CPAMD8: variants seen among roughly 807,000 people sequenced by gnomAD.
The protein encoded by CPAMD8 is C3 and PZP like alpha-2-macroglobulin domain containing 8.
CPAMD8 carries 146 observed loss-of-function variants against 224.7 expected under a neutral mutation model. The observed-to-expected ratio is 0.65, with a 90% CI of 0.57 to 0.75. CPAMD8 has a LOEUF of 0.75. Among genes scored for constraint, CPAMD8 ranks in the 30% least tolerant of loss-of-function variants. The pLI, the probability that CPAMD8 is intolerant of heterozygous loss-of-function variation, is 0.00. For missense variants in CPAMD8, 2,301 were observed against 2,537.5 expected, an observed-to-expected ratio of 0.91 and a Z score of 2.00; for synonymous variants, 966 against 1,044.6, an observed-to-expected ratio of 0.92 and a Z score of 1.45.
intron 18 of CPAMD8, among the ~76,000 whole-genome samples, chr19:16,963,404 T>C (rs1599793628): frequency 1.3e-5 from 2 of 152,178 alleles, no homozygotes; most frequent in Admixed American, 6.5e-5. Flanking sequence ...TAGTCTCTGA[T>C]AAAACAGACT....
At chr19:16,954,682 T>C (rs962966064) in intron 19 of CPAMD8, among the ~76,000 whole-genome samples, 1 of 152,182 alleles carries the variant, frequency 6.6e-6, no homozygotes, top group Non-Finnish European at 1.5e-5. Flanking sequence ...TAGGATATTA[T>C]TCAACCTTAA....
chr19:16,990,246 C>G (rs1420321749), intron 12 of CPAMD8, among the ~76,000 whole-genome samples: 1 of 149,660 alleles, frequency 6.7e-6, no homozygotes, highest in Non-Finnish European at 1.5e-5. Context: ...GAGCAAGACT[C>G]TGACTCAAAA....
chr19:16,993,727 C>T (rs1265853791), intron 11 of CPAMD8, 141 bp from the exon 12 acceptor site: 4 of 767,762 alleles, frequency 5.2e-6, no homozygotes, highest in Non-Finnish European at 6.2e-6. Context: ...ATTCACAGGG[C>T]ATCGCAACGA....
intron 1 of CPAMD8, among the ~76,000 whole-genome samples, chr19:17,024,438 A>C (rs1433532369): frequency 2.0e-5 from 3 of 152,214 alleles, no homozygotes; most frequent in African/African-American, 7.2e-5. Context: ...CAGCTCCAGC[A>C]CTGGAATGTG....
At position 16,968,355 on chromosome 19, in the gene CPAMD8, C is replaced by T. The variant is rs552929414; in HGVS notation, c.2213+2536G>A. Among the ~76,000 whole-genome samples the T allele has an allele frequency of 2.0e-5, 3 of 152,248 alleles. No homozygotes were observed. In the South Asian group the frequency reaches 6.2e-4, roughly 32 times the overall value. On this transcript the variant is annotated intron_variant, in intron 18 of 41. Coordinates refer to ENST00000443236, the MANE Select transcript of CPAMD8 (RefSeq NM_015692.5). Reference sequence around the variant, plus strand: ...CTGGGGGACTGAAGCATCCAGGAGCCACTGGGGAGCAGACGGAGGGGCACA... The same window carrying T: ...CTGGGGGACTGAAGCATCCAGGAGCTACTGGGGAGCAGACGGAGGGGCACA...
intron 13 of CPAMD8, among the ~76,000 whole-genome samples, chr19:16,982,957 A>G (rs2055568149): frequency 6.6e-6 from 1 of 152,160 alleles, no homozygotes; most frequent in Admixed American, 6.5e-5. Context: ...CATGGTAGAG[A>G]ATGAGTCTCG....
chr19:16,905,236 A>G (rs1376420612), intron 30 of CPAMD8, among the ~76,000 whole-genome samples: 2 of 151,802 alleles, frequency 1.3e-5, no homozygotes, highest in African/African-American at 4.8e-5. Flanking sequence ...TGACAGAGTG[A>G]GACTGTCTCA....
intron 23 of CPAMD8, among the ~76,000 whole-genome samples, chr19:16,932,628 T>A (rs2053578175): frequency 6.6e-6 from 1 of 151,896 alleles, no homozygotes; most frequent in Non-Finnish European, 1.5e-5. Context: ...TGAAGACAGA[T>A]CTTTTAAAAT....
intron 19 of CPAMD8, among the ~76,000 whole-genome samples, chr19:16,953,918 A>T (rs2054379009): frequency 6.6e-6 from 1 of 152,156 alleles, no homozygotes; most frequent in Non-Finnish European, 1.5e-5. Flanking sequence ...AATAAAAACC[A>T]CAATGAGATG....
rs781695821 is a variant in CPAMD8, at chr19:17,020,348, C to T, written c.250G>A (p.Gly84Arg). Residue 84 changes from glycine (G) to arginine (R), a missense_variant, in exon 3 of 42, where the codon GGG becomes AGG. Coordinates refer to ENST00000443236, the MANE Select transcript of CPAMD8 (RefSeq NM_015692.5). ...CGGCTTACCTTGAGTTTGATTGTCC[C>T]TTTATCTAAAAATGAAAATAAAATG... ...VQSQGAILDK[G>R]TIKLKVPTGL... 1 of 1,584,874 alleles carries T rather than the reference C, an allele frequency of 6.3e-7. No homozygotes were observed. Among genetic ancestry groups the T allele is most frequent in the Non-Finnish European group, 8.7e-7 (1 of 1,154,100 alleles).
intron 12 of CPAMD8, among the ~76,000 whole-genome samples, chr19:16,992,456 GT>G (rs2055987564): frequency 6.6e-6 from 1 of 151,822 alleles, no homozygotes; most frequent in Non-Finnish European, 1.5e-5. Context: ...TTATTTGCTT[GT>G]TTGTTTGTTT....
chr19:16,996,992 G>A (rs538778484), intron 11 of CPAMD8, 119 bp downstream of exon 11: 86 of 692,012 alleles, frequency 1.2e-4, no homozygotes, highest in African/African-American at 9.0e-4. Context: ...TCCACTCTCC[G>A]CAAAGGTTAT....
chr19:16,906,997 C>T lies in CPAMD8; in HGVS notation c.3982G>A (p.Ala1328Thr). ...CGGAGCTTGCGCAGTGCCTCAGGGG[C>T]TGCCGGGCTGCGGAGCAGGGTCAGC... ...YALTLLRSPA[A>T]PEALRKLRSL... Residue 1328 changes from alanine to threonine, a missense_variant, in exon 30 of 42, where the codon GCC (alanine) becomes ACC (threonine). Physicochemically the swap from Ala to Thr is moderately conservative, Grantham distance 58. Around this residue, in one of 4 missense-constraint regions of CPAMD8, gnomAD observed 1,709 missense variants for 1,753.2 expected, o/e 0.97. Coordinates refer to ENST00000443236, the MANE Select transcript of CPAMD8 (RefSeq NM_015692.5). 3.8e-6 allele frequency: 6 copies of T among 1,595,526 alleles called. No homozygotes were observed. Among genetic ancestry groups the T allele is most frequent in the Non-Finnish European group, 5.1e-6 (6 of 1,172,932 alleles).
Position 16,924,232 on chromosome 19 carries a change from T to C in CPAMD8, c.3547+964A>G, listed in dbSNP as rs1048214692. Among the ~76,000 whole-genome samples the C allele has an allele frequency of 4.7e-5, 7 of 149,008 alleles. No homozygotes were observed. In the East Asian group the frequency reaches 1.4e-3, roughly 31 times the overall value. ...GGTTTGTGGCATTTTGTTGTGGCAGTTTTAGGAAATGAACACAAGTGGGTT... is the reference window on the plus strand; with the variant it reads ...GGTTTGTGGCATTTTGTTGTGGCAGCTTTAGGAAATGAACACAAGTGGGTT... On this transcript the variant is annotated intron_variant, in intron 26 of 41. Coordinates refer to ENST00000443236, the MANE Select transcript of CPAMD8 (RefSeq NM_015692.5).
chr19:16,983,461 AG>A (rs1230455886), intron 13 of CPAMD8, among the ~76,000 whole-genome samples: 2 of 152,154 alleles, frequency 1.3e-5, no homozygotes, highest in Non-Finnish European at 2.9e-5. Context: ...TAAATTACCC[AG>A]TCGTGGGTAT....
chr19:16,926,777 G>A (rs947081936), intron 25 of CPAMD8, among the ~76,000 whole-genome samples: 2 of 152,106 alleles, frequency 1.3e-5, no homozygotes, highest in Admixed American at 6.6e-5. Flanking sequence ...GATCCCAGAC[G>A]TCGCCTCCTC....
At chr19:16,969,887 AAAC>A (rs2054989975) in intron 18 of CPAMD8, among the ~76,000 whole-genome samples, 1 of 150,330 alleles carries the variant, frequency 6.7e-6, no homozygotes, top group African/African-American at 2.5e-5. Context: ...AAAAAAAAAA[AAAC>A]AAAAACAACG....
chr19:16,982,936 A>T (rs1441911085), intron 13 of CPAMD8, among the ~76,000 whole-genome samples: 1 of 152,240 alleles, frequency 6.6e-6, no homozygotes, highest in Non-Finnish European at 1.5e-5. Flanking sequence ...CAGTTTCCCC[A>T]ATACAGTTCT....
chr19:16,995,355 C>T (rs2056089885), intron 11 of CPAMD8, among the ~76,000 whole-genome samples: 1 of 152,198 alleles, frequency 6.6e-6, no homozygotes, highest in Admixed American at 6.6e-5. Flanking sequence ...CCCACTCCTG[C>T]TGCTGCAATT....
Sources: gnomAD v4.1 joint callset for allele counts (sites outside exome capture counted in the v4.1 genomes callset) on GRCh38, gnomAD v4.1.1 for gene constraint, gnomAD v4.1.1 regional missense constraint, MANE v1.5 for transcripts, NCBI Gene and HGNC (gene_info 2026-07-23, HGNC 2026-07-21) for gene names.